The following LARS2 variants were observed in gnomAD, a reference collection of about 807,000 sequenced individuals.
LARS2 encodes the protein leucine--tRNA ligase, mitochondrial.
LARS2 carries 81 observed loss-of-function variants against 116.6 expected under a neutral mutation model. That is an observed-to-expected ratio of 0.69 (90% CI 0.58 to 0.84). LARS2 has a LOEUF of 0.84. LARS2 is among the 40% of genes least tolerant of loss of function. The pLI, the probability that LARS2 is intolerant of heterozygous loss-of-function variation, is 0.00. For missense variants in LARS2, 968 were observed against 1,114.5 expected (o/e 0.87, Z 1.87); for synonymous variants, 396 against 407.2 (o/e 0.97, Z 0.33).
At chr3:45,534,930 A>G (rs531037109) in intron 20 of LARS2, among the ~76,000 whole-genome samples, 1 of 152,314 alleles carries the variant, frequency 6.6e-6, no homozygotes, top group Admixed American at 6.5e-5. Context: ...TCTTTTGTTT[A>G]CCATAATATT....
chr3:45,484,630 A>AAAATATATATATATATATATATATATAT (rs1553634443), intron 10 of LARS2, among the ~76,000 whole-genome samples: 2 of 9,744 alleles, frequency 2.1e-4, no homozygotes, highest in Non-Finnish European at 3.2e-4. Context: ...AAAAAAAAAA[A>AAAATATATATATATATATATATATATAT]ATATATATAT....
intron 16 of LARS2, among the ~76,000 whole-genome samples, chr3:45,515,533 C>T (rs766981721): frequency 1.3e-5 from 2 of 152,178 alleles, no homozygotes; most frequent in African/African-American, 2.4e-5. Context: ...CCATCTAGAC[C>T]AGTGGTATGT....
intron 4 of LARS2, among the ~76,000 whole-genome samples, chr3:45,400,634 C>G (rs1295946887): frequency 4.6e-5 from 7 of 152,052 alleles, no homozygotes; most frequent in Non-Finnish European, 1.5e-5. Context: ...AAGGTAGATA[C>G]AAATGTGGAT....
chr3:45,437,217 A>C (rs1470664585), intron 6 of LARS2, among the ~76,000 whole-genome samples: 1 of 152,240 alleles, frequency 6.6e-6, no homozygotes, highest in Non-Finnish European at 1.5e-5. Context: ...TTTGAAAAAC[A>C]AGACCTTTAA....
At chr3:45,468,398 T>A (rs1269238139) in intron 8 of LARS2, among the ~76,000 whole-genome samples, 1 of 152,208 alleles carries the variant, frequency 6.6e-6, no homozygotes, top group East Asian at 1.9e-4. Flanking sequence ...CAGGCAAGGA[T>A]AGTCAATGCC....
At chr3:45,545,249 C>T (rs760680934) in intron 21 of LARS2, among the ~76,000 whole-genome samples, 3 of 152,204 alleles carry the variant, frequency 2.0e-5, no homozygotes, top group Non-Finnish European at 4.4e-5. Context: ...TATTAGCCAT[C>T]GCAAGGCTAC....
intron 15 of LARS2, among the ~76,000 whole-genome samples, chr3:45,505,660 G>A (rs538756199): frequency 2.0e-5 from 3 of 152,122 alleles, no homozygotes; most frequent in Admixed American, 6.6e-5. Context: ...CTGCACGCTA[G>A]CCTATGCAAC....
chr3:45,431,571 A>C (rs1263059705), intron 6 of LARS2, among the ~76,000 whole-genome samples: 2 of 152,202 alleles, frequency 1.3e-5, no homozygotes, highest in Non-Finnish European at 2.9e-5. Flanking sequence ...TATGTTACTG[A>C]AGTTGAGCTG....
intron 10 of LARS2, among the ~76,000 whole-genome samples, chr3:45,484,630 A>AAT (rs1553634444): frequency 0.15 from 1,440 of 9,778 alleles, 248 homozygotes; most frequent in Non-Finnish European, 0.22. Context: ...AAAAAAAAAA[A>AAT]ATATATATAT....
intron 8 of LARS2, among the ~76,000 whole-genome samples, chr3:45,465,472 C>T (rs1035309046): frequency 1.1e-4 from 17 of 152,176 alleles, no homozygotes; most frequent in African/African-American, 4.1e-4. Context: ...AGGAAGGGCA[C>T]AGAGGCCACA....
intron 9 of LARS2, among the ~76,000 whole-genome samples, chr3:45,475,129 G>A (rs1485517895): frequency 1.3e-5 from 2 of 151,970 alleles, no homozygotes; most frequent in Non-Finnish European, 2.9e-5. Flanking sequence ...TGTTCATTTA[G>A]CGTCAAACCT....
intron 15 of LARS2, 139 bp from the exon 16 acceptor site, chr3:45,512,996 T>C: frequency 1.5e-6 from 1 of 674,658 alleles, no homozygotes; most frequent in Non-Finnish European, 2.7e-6. Context: ...AAGCTGGGTT[T>C]ATAAGTGGCC....
intron 6 of LARS2, among the ~76,000 whole-genome samples, chr3:45,424,072 C>T (rs1039231287): frequency 6.6e-6 from 1 of 152,072 alleles, no homozygotes; most frequent in African/African-American, 2.4e-5. Flanking sequence ...AAGCTGCCTT[C>T]GGTACAATAC....
intron 16 of LARS2, among the ~76,000 whole-genome samples, chr3:45,513,843 A>C (rs1394141238): frequency 6.6e-6 from 1 of 152,074 alleles, no homozygotes; most frequent in Non-Finnish European, 1.5e-5. Context: ...GGATCACAAG[A>C]TCTTCAGGTG....
chr3:45,402,187 G>C (rs572359724), intron 4 of LARS2, among the ~76,000 whole-genome samples: 5 of 152,192 alleles, frequency 3.3e-5, no homozygotes, highest in Admixed American at 2.6e-4. Context: ...CTGCCCCATT[G>C]GCCTGTTAAA....
At chr3:45,503,350 T>C (rs2125742688) in intron 15 of LARS2, among the ~76,000 whole-genome samples, 1 of 152,188 alleles carries the variant, frequency 6.6e-6, no homozygotes, top group East Asian at 1.9e-4. Context: ...TCTAGTTCAT[T>C]GATGATTTCT....
intron 8 of LARS2, 49 bp downstream of exon 8, chr3:45,458,935 G>A: frequency 6.3e-7 from 1 of 1,596,576 alleles, no homozygotes; most frequent in Non-Finnish European, 8.6e-7. Flanking sequence ...ATGCTGGCAG[G>A]CAACACCAAA....
chr3:45,484,630 A>AAAAATATATATATATATAT (rs1553634443), intron 10 of LARS2, among the ~76,000 whole-genome samples: 2 of 9,746 alleles, frequency 2.1e-4, no homozygotes, highest in African/African-American at 1.8e-4. Context: ...AAAAAAAAAA[A>AAAAATATATATATATATAT]ATATATATAT....
intron 3 of LARS2, among the ~76,000 whole-genome samples, chr3:45,398,064 G>T (rs1421014587): frequency 6.6e-6 from 1 of 152,190 alleles, no homozygotes; most frequent in South Asian, 2.1e-4. Flanking sequence ...CATTTCAGCA[G>T]TTCCAGATGA....
Sources: gnomAD v4.1 joint callset for allele counts (sites outside exome capture counted in the v4.1 genomes callset) on GRCh38, gnomAD v4.1.1 for gene constraint, MANE v1.5 for transcripts, NCBI Gene and HGNC (gene_info 2026-07-23, HGNC 2026-07-21) for gene names.